Variants in ZNF385D observed in about 807,000 individuals in gnomAD.
ZNF385D encodes zinc finger protein 385D.
A neutral mutation model predicts 35.8 loss-of-function variants in ZNF385D; 15 were observed. That is an observed-to-expected ratio of 0.42 (90% CI 0.28 to 0.64). The LOEUF is 0.64. ZNF385D is among the 30% of genes least tolerant of loss of function. The pLI is 0.23. For missense variants in ZNF385D, 474 were observed against 494.6 expected (o/e 0.96, Z 0.39); for synonymous variants, 212 against 186.8 (o/e 1.13, Z -1.10).
At chr3:22,151,940 T>C (rs1278611573) in intron 3 of ZNF385D, among the ~76,000 whole-genome samples, 1 of 152,154 alleles carries the variant, frequency 6.6e-6, no homozygotes, top group African/African-American at 2.4e-5. Context: ...GTACAGGTTA[T>C]TTAATCACTC....
chr3:22,227,769 A>G (rs141833927), intron 2 of ZNF385D, among the ~76,000 whole-genome samples: 63 of 152,180 alleles, frequency 4.1e-4, no homozygotes, highest in African/African-American at 1.5e-3. Flanking sequence ...ATAAGTTACA[A>G]CCCATTTTCT....
chr3:21,818,209 C>T (rs535935584), intron 3 of ZNF385D, among the ~76,000 whole-genome samples: 58 of 152,162 alleles, frequency 3.8e-4, no homozygotes, highest in African/African-American at 1.4e-3. Flanking sequence ...AGGGATAGCA[C>T]TAGGAGAAAT....
chr3:21,960,456 GT>G (rs200028203), intron 3 of ZNF385D, among the ~76,000 whole-genome samples: 1 of 76,840 alleles, frequency 1.3e-5, no homozygotes, highest in Admixed American at 1.0e-4. Context: ...TGTGGATGCA[GT>G]AAAAAACGGA....
intron 3 of ZNF385D, among the ~76,000 whole-genome samples, chr3:21,860,924 T>G (rs1386024): frequency 0.42 from 64,193 of 151,924 alleles, 13,799 homozygotes; most frequent in African/African-American, 0.44. Flanking sequence ...TCTCATTTAG[T>G]TGCCCTGATT....
intron 2 of ZNF385D, among the ~76,000 whole-genome samples, chr3:22,371,881 G>A (rs756404870): frequency 6.6e-6 from 1 of 152,006 alleles, no homozygotes; most frequent in African/African-American, 2.4e-5. Flanking sequence ...TTCTCATCCT[G>A]CCCTCAAAAC....
chr3:22,065,188 G>T (rs1262287361), intron 3 of ZNF385D, among the ~76,000 whole-genome samples: 1 of 152,190 alleles, frequency 6.6e-6, no homozygotes, highest in Non-Finnish European at 1.5e-5. Context: ...CTCAAAGAGA[G>T]TGTTGTGTGG....
chr3:22,340,077 C>T (rs1157852970), intron 2 of ZNF385D, among the ~76,000 whole-genome samples: 2 of 152,078 alleles, frequency 1.3e-5, no homozygotes, highest in African/African-American at 4.8e-5. Context: ...TTTCATTAAA[C>T]AAATTAAAAT....
chr3:22,104,836 T>G (rs1254323037), intron 3 of ZNF385D, among the ~76,000 whole-genome samples: 2 of 152,134 alleles, frequency 1.3e-5, no homozygotes, highest in East Asian at 1.9e-4. Context: ...CAAAAGAGTC[T>G]CTGAACTTGA....
At chr3:21,590,332 A>G (rs562688860) in intron 2 of ZNF385D, among the ~76,000 whole-genome samples, 35 of 152,340 alleles carry the variant, frequency 2.3e-4, no homozygotes, top group Non-Finnish European at 3.7e-4. Flanking sequence ...GCAAGGGGAT[A>G]TGACCAGCAG....
chr3:21,554,140 A>G (rs1017819730), intron 3 of ZNF385D, among the ~76,000 whole-genome samples: 2 of 152,174 alleles, frequency 1.3e-5, no homozygotes, highest in African/African-American at 2.4e-5. Flanking sequence ...CATCAGAGGA[A>G]TCACTATCTA....
chr3:22,144,235 C>T (rs1392805022), intron 3 of ZNF385D, among the ~76,000 whole-genome samples: 1 of 151,964 alleles, frequency 6.6e-6, no homozygotes, highest in East Asian at 1.9e-4. Flanking sequence ...ATTTACAGGA[C>T]AAATATAGGT....
chr3:21,419,065 T>C lies in ZNF385D; in HGVS notation c.*2149A>G, dbSNP rs1011355413. ...AAACAAATTTTAATGCTAATCAATATATTTAACCAGAGAAGCATGGTTTGA... is the reference window on the plus strand; with the variant it reads ...AAACAAATTTTAATGCTAATCAATACATTTAACCAGAGAAGCATGGTTTGA... On this transcript the variant is annotated 3_prime_UTR_variant, in exon 8 of 8. Coordinates refer to ENST00000281523, the MANE Select transcript of ZNF385D (RefSeq NM_024697.3). The C allele has an allele frequency of 1.3e-5, 2 of 152,276 alleles. No individual in the cohort carries two copies. Among genetic ancestry groups the C allele is most frequent in the Admixed American group, 6.5e-5 (1 of 15,272 alleles). 9.4% of individuals were successfully genotyped at this position (152,276 alleles called of 1,614,324 possible).
intron 3 of ZNF385D, among the ~76,000 whole-genome samples, chr3:22,156,061 A>G (rs1193698451): frequency 6.6e-6 from 1 of 152,114 alleles, no homozygotes; most frequent in Non-Finnish European, 1.5e-5. Flanking sequence ...ATCCTAACAC[A>G]TATGTGACTT....
chr3:21,549,626 C>A (rs928190680), intron 3 of ZNF385D, among the ~76,000 whole-genome samples: 3 of 152,228 alleles, frequency 2.0e-5, no homozygotes, highest in African/African-American at 7.2e-5. Flanking sequence ...GTTGACCTGA[C>A]AGCCCAACTG....
At chr3:22,172,969 C>T (rs748912636) in intron 2 of ZNF385D, among the ~76,000 whole-genome samples, 7 of 152,118 alleles carry the variant, frequency 4.6e-5, no homozygotes, top group Non-Finnish European at 8.8e-5. Flanking sequence ...AGTGAAGAAA[C>T]CTGACAAATA....
chr3:21,975,142 T>C (rs1425425762), intron 3 of ZNF385D, among the ~76,000 whole-genome samples: 1 of 152,152 alleles, frequency 6.6e-6, no homozygotes, highest in East Asian at 1.9e-4. Context: ...AGCACTGCTC[T>C]GCCAAGATTT....
At chr3:22,338,285 T>C (rs1018947059) in intron 2 of ZNF385D, among the ~76,000 whole-genome samples, 3 of 152,226 alleles carry the variant, frequency 2.0e-5, no homozygotes, top group Non-Finnish European at 4.4e-5. Context: ...TTGACAACTC[T>C]ATTTTCTGAC....
chr3:22,352,681 C>A (rs987400359), intron 2 of ZNF385D, among the ~76,000 whole-genome samples: 35 of 152,126 alleles, frequency 2.3e-4, no homozygotes, highest in Non-Finnish European at 5.9e-5. Context: ...TTTCACCAAG[C>A]AATTCCAAAT....
At chr3:22,311,148 C>G (rs924785548) in intron 2 of ZNF385D, among the ~76,000 whole-genome samples, 1 of 151,840 alleles carries the variant, frequency 6.6e-6, no homozygotes, top group Non-Finnish European at 1.5e-5. Flanking sequence ...AAAAAGGAAG[C>G]AGAATTTCTG....
Sources: gnomAD v4.1 joint callset for allele counts (sites outside exome capture counted in the v4.1 genomes callset) on GRCh38, gnomAD v4.1.1 for gene constraint, MANE v1.5 for transcripts, NCBI Gene and HGNC (gene_info 2026-07-23, HGNC 2026-07-21) for gene names.